KLRG1: variants seen among roughly 807,000 people sequenced by gnomAD.
KLRG1 encodes killer cell lectin like receptor G1, also known as killer cell lectin-like receptor subfamily G member 1.
A neutral mutation model predicts 21.8 loss-of-function variants in KLRG1; 16 were observed. The observed-to-expected ratio is 0.73, with a 90% CI of 0.50 to 1.11. The LOEUF (loss-of-function observed/expected upper bound fraction) is 1.11, where lower values mean the gene tolerates loss of function less well. Ranked by LOEUF, KLRG1 falls within the 50% of genes most tolerant of loss-of-function variation. The probability of loss-of-function intolerance (pLI) is 0.00; values close to 1 mark genes in which losing one functional copy is unlikely to be tolerated. For synonymous variants in KLRG1, 69 were observed against 75.9 expected (o/e 0.91, Z 0.47); for missense variants, 173 against 218.3 (o/e 0.79, Z 1.31).
At chr12:9,042,912 C>T in the KLRG1 span, among the ~76,000 whole-genome samples, 2 of 152,110 alleles carry the variant, frequency 1.3e-5, no homozygotes, top group African/African-American at 2.4e-5. Flanking sequence ...GATTGCAGGA[C>T]TGGGCCCTCA....
the KLRG1 span, among the ~76,000 whole-genome samples, chr12:9,041,861 C>T: frequency 6.6e-6 from 1 of 152,194 alleles, no homozygotes; most frequent in Non-Finnish European, 1.5e-5. Context: ...TTACTTTAAA[C>T]TGCTAAGTTT....
chr12:9,101,591 A>G, the KLRG1 span: 152 of 1,613,870 alleles, frequency 9.4e-5, no homozygotes, highest in Non-Finnish European at 1.1e-4. Flanking sequence ...GGGAGAACAC[A>G]AGATAAGCAG....
chr12:9,095,631 C>T, the KLRG1 span: 3 of 1,610,320 alleles, frequency 1.9e-6, no homozygotes, highest in East Asian at 2.2e-5. Flanking sequence ...TTGATGCAGT[C>T]TTCATTGTCC....
the KLRG1 span, among the ~76,000 whole-genome samples, chr12:9,199,063 G>A: frequency 4.6e-5 from 7 of 152,192 alleles, no homozygotes; most frequent in Non-Finnish European, 1.0e-4. Flanking sequence ...TCATAGGTAA[G>A]GTTCATGCCC....
intron 1 of KLRG1, among the ~76,000 whole-genome samples, chr12:8,966,473 A>T (rs1201599522): frequency 6.6e-6 from 1 of 152,100 alleles, no homozygotes; most frequent in Admixed American, 6.5e-5. Context: ...ATCTACAATG[A>T]ACTCAAACAA....
the KLRG1 span, chr12:9,106,753 T>G: frequency 2.1e-6 from 1 of 468,488 alleles, no homozygotes. Flanking sequence ...CTCTAGCAAC[T>G]AAATATTAAA....
At chr12:9,194,033 C>CTAACAT in the KLRG1 span, 2 of 1,551,558 alleles carry the variant, frequency 1.3e-6, no homozygotes, top group Non-Finnish European at 1.8e-6. Flanking sequence ...ATCACTGTTC[C>CTAACAT]TAACATTTCC....
chr12:9,035,335 A>G, the KLRG1 span, among the ~76,000 whole-genome samples: 3 of 152,162 alleles, frequency 2.0e-5, no homozygotes, highest in Admixed American at 6.5e-5. Context: ...TTCTCAGCAA[A>G]CCATCACAAT....
At chr12:8,956,737 G>A (rs982458688) in intron 1 of KLRG1, among the ~76,000 whole-genome samples, 6 of 152,212 alleles carry the variant, frequency 3.9e-5, no homozygotes, top group Non-Finnish European at 7.3e-5. Flanking sequence ...ATGAGCCACT[G>A]CACCTGACCT....
At chr12:8,964,360 T>G (rs1363986088) in intron 1 of KLRG1, among the ~76,000 whole-genome samples, 1 of 152,226 alleles carries the variant, frequency 6.6e-6, no homozygotes, top group Non-Finnish European at 1.5e-5. Flanking sequence ...GTGAGTTTCT[T>G]AATCCTGAGT....
chr12:9,062,313 G>A, the KLRG1 span, among the ~76,000 whole-genome samples: 124 of 64,176 alleles, frequency 1.9e-3, 1 homozygote, highest in Middle Eastern at 0.013. Flanking sequence ...TGATATATTT[G>A]TATATTGTAT....
the KLRG1 span, among the ~76,000 whole-genome samples, chr12:9,139,830 CT>C: frequency 7.0e-6 from 1 of 142,548 alleles, no homozygotes; most frequent in Non-Finnish European, 1.6e-5. Context: ...GAGAATAAAC[CT>C]GAGAGGGGAT....
At chr12:9,026,088 G>A in the KLRG1 span, among the ~76,000 whole-genome samples, 3 of 152,134 alleles carry the variant, frequency 2.0e-5, no homozygotes, top group Non-Finnish European at 2.9e-5. Context: ...AGCCTACATG[G>A]GATTTGTCAT....
intron 1 of KLRG1, among the ~76,000 whole-genome samples, chr12:8,983,395 C>CTTTTTTT (rs764267755): frequency 4.5e-5 from 4 of 89,508 alleles, no homozygotes; most frequent in Admixed American, 1.6e-4. Context: ...ACCATTTTAC[C>CTTTTTTT]TTTTTTTTTT....
the KLRG1 span, among the ~76,000 whole-genome samples, chr12:9,124,447 G>A: frequency 6.7e-6 from 1 of 148,976 alleles, no homozygotes; most frequent in African/African-American, 2.5e-5. Flanking sequence ...GGAAGGGGCT[G>A]GGAGCAGGCA....
intron 1 of KLRG1, among the ~76,000 whole-genome samples, chr12:8,965,448 T>A (rs1946453565): frequency 6.6e-6 from 1 of 152,192 alleles, no homozygotes; most frequent in Non-Finnish European, 1.5e-5. Flanking sequence ...CCATTGTCTC[T>A]GCCCAAAATC....
chr12:8,985,529 TCA>T (rs1946829556), upstream of KLRG1, among the ~76,000 whole-genome samples: 1 of 152,176 alleles, frequency 6.6e-6, no homozygotes, highest in Admixed American at 6.5e-5. Context: ...CAGACACCAG[TCA>T]CAAGTCTGGG....
At chr12:9,079,244 C>A in the KLRG1 span, 1 of 1,612,782 alleles carries the variant, frequency 6.2e-7, no homozygotes, top group South Asian at 1.1e-5. Context: ...CTTTCCTTAC[C>A]AGGTGTTGCC....
the KLRG1 span, among the ~76,000 whole-genome samples, chr12:9,056,564 G>GGT: frequency 2.0e-3 from 197 of 96,154 alleles, 3 homozygotes; most frequent in Middle Eastern, 0.01. Context: ...TTACTTGGGG[G>GGT]GTGTGTGTGT....
Sources: allele counts gnomAD v4.1 joint callset (sites outside exome capture counted in the v4.1 genomes callset), GRCh38; gene constraint gnomAD v4.1.1; transcripts MANE v1.5; gene names NCBI Gene and HGNC (gene_info 2026-07-23, HGNC 2026-07-21).